CERKL: variants seen among roughly 807,000 people sequenced by gnomAD.
The protein encoded by CERKL is ceramide kinase-like protein.
In CERKL, 61 loss-of-function variants were observed where a neutral mutation model predicts 63.4. The observed-to-expected ratio is 0.96, with a 90% CI of 0.78 to 1.19. The LOEUF is 1.19. CERKL is among the 50% of genes most tolerant of loss of function. The pLI is 0.00. For synonymous variants in CERKL, 250 were observed against 230.5 expected (o/e 1.08, Z -0.77); for missense variants, 675 against 655.5 (o/e 1.03, Z -0.33).
chr2:181,594,528 A>G (rs961165434), intron 2 of CERKL, among the ~76,000 whole-genome samples: 1 of 152,234 alleles, frequency 6.6e-6, no homozygotes, highest in African/African-American at 2.4e-5. Flanking sequence ...ATGACACAAA[A>G]GAGAACACAG....
At position 181,557,307 on chromosome 2, in the gene CERKL, T is replaced by C. The variant is rs559363620; in HGVS notation, c.820+1259A>G. ...TGCTTTTGGTGTTTTAGACACGAAG[T>C]CCTTGCCCATGCCTATGTCCTGAAT... On this transcript the variant is annotated intron_variant, in intron 5 of 12. Coordinates refer to ENST00000410087, the MANE Select transcript of CERKL (RefSeq NM_201548.5). Among the ~76,000 whole-genome samples, 166 of 152,340 alleles carry C rather than the reference T, an allele frequency of 1.1e-3. 2 individuals are homozygous for C. Among genetic ancestry groups the C allele is most frequent in the Admixed American group, 2.6e-3 (39 of 15,284 alleles).
In CERKL at chr2:181,539,231, CAACAGTGTA is replaced by C; in HGVS notation, c.1390_1398del (p.Tyr464_Val466del). The stretch of plus-strand genomic sequence containing the variant: ...TTCCTTGGATGAACTTTTACTTCCT[CAACAGTGTA>C]AGTCTCAACAAATGGAAAATTGAAC... On this transcript the variant is annotated inframe_deletion, in exon 12 of 13. Transcript: ENST00000410087. 6.3e-7 allele frequency: 1 copy of C among 1,599,350 alleles called. No individual in the cohort carries two copies. The highest frequency in any genetic ancestry group is 1.1e-5 in the South Asian group (1 of 90,752).
intron 5 of CERKL, among the ~76,000 whole-genome samples, chr2:181,551,157 TA>T (rs1231443361): frequency 1.3e-5 from 2 of 152,150 alleles, no homozygotes; most frequent in Non-Finnish European, 2.9e-5. Flanking sequence ...ATACGGAAGC[TA>T]AATTGCCTTT....
At position 181,537,013 on chromosome 2, in the gene CERKL, G is replaced by C. The variant is rs1233183760; in HGVS notation, c.*1171C>G. 2.2e-6 allele frequency: 1 copy of C among 446,802 alleles called. No individual in the cohort carries two copies. Among genetic ancestry groups the C allele is most frequent in the Non-Finnish European group, 4.5e-6 (1 of 223,452 alleles). The allele number at this position is 446,802 out of a possible 1,614,324, so 27.7% of individuals were successfully genotyped here. A position where few individuals can be genotyped will look rare whatever the true frequency, so the allele number is the denominator to read the frequency against. On this transcript the variant is annotated 3_prime_UTR_variant, in exon 13 of 13. Transcript: ENST00000410087. ...GTTCACAGGCCTGCAGTGATGGTGA[G>C]GAATGTTCTGAGATTTGCGAAGGCA...
intron 2 of CERKL, among the ~76,000 whole-genome samples, chr2:181,587,913 C>G (rs192576585): frequency 2.0e-5 from 3 of 152,068 alleles, no homozygotes; most frequent in Non-Finnish European, 4.4e-5. Context: ...ATTCCAAGAA[C>G]ATATGTTCCA....
intron 1 of CERKL, among the ~76,000 whole-genome samples, chr2:181,644,758 C>T (rs1386399940): frequency 6.6e-6 from 1 of 151,920 alleles, no homozygotes; most frequent in Non-Finnish European, 1.5e-5. Context: ...CCAATTATGC[C>T]TAAAGAGAAA....
At chr2:181,601,017 A>G (rs1481724612) in intron 2 of CERKL, among the ~76,000 whole-genome samples, 1 of 152,224 alleles carries the variant, frequency 6.6e-6, no homozygotes, top group Non-Finnish European at 1.5e-5. Context: ...TGAGGTCACA[A>G]TGAAATAAAA....
rs1394614783 is a variant in CERKL at position 181,537,280 on chromosome 2, AAAC to A, written c.*901_*903del. 2.2e-6 allele frequency: 1 copy of A among 453,686 alleles called. No individual in the cohort carries two copies. The highest frequency in any genetic ancestry group is 4.4e-6 in the Non-Finnish European group (1 of 226,508). 28.1% of individuals were successfully genotyped at this position (453,686 alleles called of 1,614,324 possible). ...TTCTTTCCTACTCAGAACTACTCAGAAACAACTATATATTTCAGGTTATCTGAG... is the reference window on the plus strand; with the variant it reads ...TTCTTTCCTACTCAGAACTACTCAGAAACTATATATTTCAGGTTATCTGAG... On this transcript the variant is annotated 3_prime_UTR_variant, in exon 13 of 13. Transcript: ENST00000410087.
chr2:181,563,850 A>C (rs1426150339), intron 4 of CERKL, among the ~76,000 whole-genome samples: 1 of 152,104 alleles, frequency 6.6e-6, no homozygotes, highest in Non-Finnish European at 1.5e-5. Flanking sequence ...TAAGATAATT[A>C]CTCCAACTAC....
chr2:181,647,603 G>C (rs1029104483), intron 1 of CERKL, among the ~76,000 whole-genome samples: 3 of 151,958 alleles, frequency 2.0e-5, no homozygotes, highest in Non-Finnish European at 2.9e-5. Context: ...AACACTCTAG[G>C]ACCCATCTAC....
intron 2 of CERKL, among the ~76,000 whole-genome samples, chr2:181,585,479 T>C (rs569561267): frequency 6.6e-6 from 1 of 152,310 alleles, no homozygotes; most frequent in Non-Finnish European, 1.5e-5. Flanking sequence ...ACTATTTCTA[T>C]TAATTCCTAA....
rs1559062444 is a variant in CERKL at position 181,536,937 on chromosome 2, T to C, written c.*1247A>G. ...AAAACAATTCTGGGAAAGATTTCTT[T>C]ATATGAAGTCCCTGCCACTAGCCAG... On this transcript the variant is annotated 3_prime_UTR_variant, in exon 13 of 13. Coordinates refer to ENST00000410087, the MANE Select transcript of CERKL (RefSeq NM_201548.5). 3 of 453,638 alleles carry C rather than the reference T, an allele frequency of 6.6e-6. 1 individual carries two copies. The Admixed American group carries it at 7.1e-5, about 11-fold the overall frequency. 28.1% of individuals were successfully genotyped at this position (453,638 alleles called of 1,614,324 possible). A position where few individuals can be genotyped will look rare whatever the true frequency, so the allele number is the denominator to read the frequency against.
chr2:181,636,558 C>G (rs1271808596), intron 1 of CERKL, among the ~76,000 whole-genome samples: 1 of 152,186 alleles, frequency 6.6e-6, no homozygotes, highest in African/African-American at 2.4e-5. Flanking sequence ...AACTTCCTTG[C>G]ATGCTATTCA....
intron 2 of CERKL, among the ~76,000 whole-genome samples, chr2:181,574,153 A>C (rs1311661672): frequency 6.6e-6 from 1 of 152,232 alleles, no homozygotes; most frequent in Non-Finnish European, 1.5e-5. Context: ...AAAAGAGGCA[A>C]CTTTGTGAAT....
rs190417731 is a variant in CERKL at position 181,648,077 on chromosome 2, T to C, written c.238+8692A>G. Among the ~76,000 whole-genome samples the C allele has an allele frequency of 3.0e-3, 460 of 152,064 alleles. 4 individuals are homozygous for C. Among genetic ancestry groups the C allele is most frequent in the African/African-American group, 0.011 (439 of 41,504 alleles). On this transcript the variant is annotated intron_variant, in intron 1 of 12. Coordinates refer to ENST00000410087, the MANE Select transcript of CERKL (RefSeq NM_201548.5). Reference sequence around the variant, plus strand: ...ATTTTTGCATTATAGAACTGGCAGATGGAGAAAAGTTGAAGAAAGGCACAG... The same window carrying C: ...ATTTTTGCATTATAGAACTGGCAGACGGAGAAAAGTTGAAGAAAGGCACAG...
chr2:181,633,395 T>C (rs746071056), intron 1 of CERKL, among the ~76,000 whole-genome samples: 1 of 152,170 alleles, frequency 6.6e-6, no homozygotes, highest in Non-Finnish European at 1.5e-5. Flanking sequence ...AAAATAAAAG[T>C]AAATTGTTCT....
intron 1 of CERKL, among the ~76,000 whole-genome samples, chr2:181,615,967 G>A: frequency 6.6e-6 from 1 of 151,632 alleles, no homozygotes; most frequent in East Asian, 1.9e-4. Context: ...AGAATTAGAG[G>A]GAAATTTTTG....
chr2:181,547,995 A>ATG (rs1687810984), intron 8 of CERKL, 148 bp from the exon 9 acceptor site: 13 of 697,950 alleles, frequency 1.9e-5, no homozygotes, highest in South Asian at 1.7e-4. Context: ...GTAAGTAAAA[A>ATG]CGTACAATTT....
rs200646302 is a variant in CERKL at position 181,537,126 on chromosome 2, A to T, written c.*1058T>A. The T allele has an allele frequency of 2.2e-6, 1 of 453,126 alleles. No homozygotes were observed. The highest frequency in any genetic ancestry group is 4.4e-6 in the Non-Finnish European group (1 of 226,530). The allele number at this position is 453,126 out of a possible 1,614,324, so 28.1% of individuals were successfully genotyped here. A position where few individuals can be genotyped will look rare whatever the true frequency, so the allele number is the denominator to read the frequency against. The stretch of plus-strand genomic sequence containing the variant: ...ACTTTATGACATTTATGTATTTTTA[A>T]AAAACTTTGTATCGTTATAAAAAGG... On this transcript the variant is annotated 3_prime_UTR_variant, in exon 13 of 13. Coordinates refer to ENST00000410087, the MANE Select transcript of CERKL (RefSeq NM_201548.5).
Sources: allele counts gnomAD v4.1 joint callset (sites outside exome capture counted in the v4.1 genomes callset), GRCh38; gene constraint gnomAD v4.1.1; transcripts MANE v1.5; gene names NCBI Gene and HGNC (gene_info 2026-07-23, HGNC 2026-07-21).